SHISAL2A: variants seen among roughly 807,000 people sequenced by gnomAD.
SHISAL2A encodes shisa like 2A, also known as protein shisa-like-2A.
In SHISAL2A, 18 loss-of-function variants were observed where a neutral mutation model predicts 11.5. The ratio of observed to expected loss-of-function variants is 1.57; its 90% confidence interval spans 1.08 to 2.33. SHISAL2A has a LOEUF of 2.33. Among genes scored for constraint, SHISAL2A ranks in the 30% most tolerant of loss-of-function variants. SHISAL2A has a pLI of 0.00. For synonymous variants in SHISAL2A, 94 were observed against 99.6 expected (o/e 0.94, Z 0.34); for missense variants, 261 against 250.9 (o/e 1.04, Z -0.27).
intron 2 of SHISAL2A, among the ~76,000 whole-genome samples, chr1:52,649,718 C>G (rs1363103312): frequency 6.6e-6 from 1 of 152,202 alleles, no homozygotes; most frequent in Non-Finnish European, 1.5e-5. Flanking sequence ...TGCTCAACTA[C>G]TCTGCCTGGT....
At chr1:52,656,259 A>G (rs1487026426) in intron 2 of SHISAL2A, among the ~76,000 whole-genome samples, 2 of 152,242 alleles carry the variant, frequency 1.3e-5, no homozygotes, top group Non-Finnish European at 2.9e-5. Flanking sequence ...GTTTGAAGGT[A>G]TAGTGGGGGC....
chr1:52,661,055 C>T (rs943083821), downstream of SHISAL2A, among the ~76,000 whole-genome samples: 3 of 152,148 alleles, frequency 2.0e-5, no homozygotes, highest in Non-Finnish European at 4.4e-5. Context: ...TAAGAGAGAC[C>T]ATATGGTTCT....
At chr1:52,655,871 C>T (rs897016647) in intron 2 of SHISAL2A, among the ~76,000 whole-genome samples, 18 of 152,138 alleles carry the variant, frequency 1.2e-4, no homozygotes, top group African/African-American at 4.1e-4. Context: ...GGGGCCCCCA[C>T]TGGAGGCCGT....
intron 4 of SHISAL2A, among the ~76,000 whole-genome samples, chr1:52,665,983 G>C (rs563725027): frequency 3.9e-4 from 60 of 152,326 alleles, no homozygotes; most frequent in African/African-American, 1.4e-3. Context: ...GTGGACTTGA[G>C]ACCTGGATTC....
At chr1:52,642,031 G>A (rs1691377146) in intron 1 of SHISAL2A, among the ~76,000 whole-genome samples, 1 of 152,238 alleles carries the variant, frequency 6.6e-6, no homozygotes. Flanking sequence ...TTGAGCCCAG[G>A]AGGTTGAGGA....
At chr1:52,643,621 G>A (rs1019578585) in intron 2 of SHISAL2A, among the ~76,000 whole-genome samples, 6 of 152,212 alleles carry the variant, frequency 3.9e-5, no homozygotes, top group Admixed American at 3.3e-4. Context: ...TTGGGAGGCC[G>A]AGGCAGGCGG....
chr1:52,656,310 G>A (rs770773908), intron 2 of SHISAL2A, among the ~76,000 whole-genome samples: 7 of 152,178 alleles, frequency 4.6e-5, no homozygotes, highest in Non-Finnish European at 1.0e-4. Flanking sequence ...ATGAATGGAA[G>A]GTAGAGAATA....
At chr1:52,655,081 G>C (rs1048814325) in intron 2 of SHISAL2A, among the ~76,000 whole-genome samples, 1 of 152,168 alleles carries the variant, frequency 6.6e-6, no homozygotes. Context: ...AGCTACTCAG[G>C]AGGCTGAGGC....
intron 1 of SHISAL2A, among the ~76,000 whole-genome samples, chr1:52,636,622 C>T (rs932683443): frequency 6.6e-6 from 1 of 152,194 alleles, no homozygotes; most frequent in Non-Finnish European, 1.5e-5. Context: ...TCCGAGATCT[C>T]CTAGCAATAT....
chr1:52,661,910 G>A (rs561893157), downstream of SHISAL2A, among the ~76,000 whole-genome samples: 89 of 152,224 alleles, frequency 5.8e-4, no homozygotes, highest in Middle Eastern at 0.024. Flanking sequence ...GCAGGTGCCT[G>A]TAATCCCAGC....
chr1:52,637,390 T>C (rs1386777398), intron 1 of SHISAL2A, among the ~76,000 whole-genome samples: 1 of 152,230 alleles, frequency 6.6e-6, no homozygotes, highest in Non-Finnish European at 1.5e-5. Context: ...TTTGGCCCTT[T>C]TCATGAAAGT....
rs1346294899 is a variant in SHISAL2A, at chr1:52,656,714, C to T, written c.323-76C>T. 5 of 1,505,052 alleles carry T rather than the reference C, an allele frequency of 3.3e-6. No individual in the cohort carries two copies. The African/African-American group carries it at 4.2e-5, about 13-fold the overall frequency. The allele number at this position is 1,505,052 out of a possible 1,614,324, so 93.2% of individuals were successfully genotyped here. A position where few individuals can be genotyped will look rare whatever the true frequency, so the allele number is the denominator to read the frequency against. On this transcript the variant is annotated intron_variant, in intron 2 of 2. Coordinates refer to ENST00000517870, the MANE Select transcript of SHISAL2A (RefSeq NM_001042693.3). The stretch of plus-strand genomic sequence containing the variant: ...CACAGTGCACTGCCCAAGGTAAGCA[C>T]CAGAGAAGTCAGCTGGGGAGTGTGA...
At chr1:52,639,301 T>C (rs1319340679) in intron 1 of SHISAL2A, among the ~76,000 whole-genome samples, 1 of 152,188 alleles carries the variant, frequency 6.6e-6, no homozygotes, top group Non-Finnish European at 1.5e-5. Flanking sequence ...TGTTAGTTGG[T>C]GTATCTCCAT....
At chr1:52,640,495 A>G (rs1691338832) in intron 1 of SHISAL2A, among the ~76,000 whole-genome samples, 1 of 152,112 alleles carries the variant, frequency 6.6e-6, no homozygotes, top group Non-Finnish European at 1.5e-5. Flanking sequence ...CGGACACGGT[A>G]GCTCACGCCT....
At chr1:52,656,377 G>C (rs1211961991) in intron 2 of SHISAL2A, among the ~76,000 whole-genome samples, 1 of 152,114 alleles carries the variant, frequency 6.6e-6, no homozygotes, top group Non-Finnish European at 1.5e-5. Context: ...GAGAAGATAA[G>C]TCACTCAGCA....
At chr1:52,660,510 G>A (rs1358211133), downstream of SHISAL2A, among the ~76,000 whole-genome samples, 2 of 152,152 alleles carry the variant, frequency 1.3e-5, no homozygotes, top group Non-Finnish European at 2.9e-5. Flanking sequence ...TGAGCTCACC[G>A]CTGTTCCCAA....
chr1:52,658,015 C>T (rs575050234), downstream of SHISAL2A, among the ~76,000 whole-genome samples: 10 of 151,166 alleles, frequency 6.6e-5, no homozygotes, highest in Non-Finnish European at 1.3e-4. Context: ...GATTTGAACT[C>T]ACTTCGTAAA....
At chr1:52,658,395 G>T (rs962792331), downstream of SHISAL2A, among the ~76,000 whole-genome samples, 7 of 152,180 alleles carry the variant, frequency 4.6e-5, no homozygotes, top group Admixed American at 1.3e-4. Flanking sequence ...CCTGCTAAAA[G>T]ACTTTTTAAA....
downstream of SHISAL2A, among the ~76,000 whole-genome samples, chr1:52,661,054 C>T: frequency 6.6e-6 from 1 of 152,144 alleles, no homozygotes; most frequent in Non-Finnish European, 1.5e-5. Flanking sequence ...CTAAGAGAGA[C>T]CATATGGTTC....
Sources: gnomAD v4.1 joint callset for allele counts (sites outside exome capture counted in the v4.1 genomes callset) on GRCh38, gnomAD v4.1.1 for gene constraint, MANE v1.5 for transcripts, NCBI Gene and HGNC (gene_info 2026-07-23, HGNC 2026-07-21) for gene names.